Variants in AUH observed in about 807,000 individuals in gnomAD.
AUH encodes AU RNA binding methylglutaconyl-CoA hydratase.
Under a neutral mutation model 42.3 loss-of-function variants are expected in AUH, and 29 were observed. That is an observed-to-expected ratio of 0.69 (90% CI 0.51 to 0.93). The LOEUF (loss-of-function observed/expected upper bound fraction) is 0.93. AUH is among the 40% of genes least tolerant of loss of function. The probability of loss-of-function intolerance (pLI) is 0.00; values close to 1 mark genes in which losing one functional copy is unlikely to be tolerated. For synonymous variants in AUH, 174 were observed against 166.4 expected, an observed-to-expected ratio of 1.05 and a Z score of -0.35; for missense variants, 452 against 438.1, an observed-to-expected ratio of 1.03 and a Z score of -0.28.
At chr9:91,277,035 A>T (rs1564057452) in intron 6 of AUH, among the ~76,000 whole-genome samples, 2 of 152,144 alleles carry the variant, frequency 1.3e-5, no homozygotes, top group Admixed American at 6.6e-5. Context: ...AAATTTTTTT[A>T]AAAAACCAGC....
intron 6 of AUH, among the ~76,000 whole-genome samples, chr9:91,239,934 C>A (rs1320778443): frequency 6.6e-6 from 1 of 152,046 alleles, no homozygotes; most frequent in Admixed American, 6.5e-5. Flanking sequence ...AAACGTTTTT[C>A]CAGAGCAAAT....
chr9:91,335,048 T>C (rs1223499003), intron 3 of AUH, among the ~76,000 whole-genome samples: 1 of 152,218 alleles, frequency 6.6e-6, no homozygotes. Flanking sequence ...CCCGCTGCTC[T>C]TACGTGGTGG....
chr9:91,300,585 T>C (rs1370477164), intron 4 of AUH, among the ~76,000 whole-genome samples: 1 of 152,216 alleles, frequency 6.6e-6, no homozygotes, highest in Non-Finnish European at 1.5e-5. Flanking sequence ...TGTAGGGTAA[T>C]CTTTCTAAAA....
chr9:91,273,283 C>T (rs186603898), intron 6 of AUH, among the ~76,000 whole-genome samples: 1 of 152,312 alleles, frequency 6.6e-6, no homozygotes, highest in East Asian at 1.9e-4. Flanking sequence ...GTTAAAAACA[C>T]ACACATGCAC....
intron 6 of AUH, among the ~76,000 whole-genome samples, chr9:91,253,983 C>T (rs550369923): frequency 6.6e-6 from 1 of 151,940 alleles, no homozygotes; most frequent in Admixed American, 6.5e-5. Flanking sequence ...AAAATAATTA[C>T]ATTTCCAACT....
In AUH at chr9:91,252,888, T is replaced by G. The variant is rs533121866; in HGVS notation, c.656-31896A>C. The stretch of plus-strand genomic sequence containing the variant: ...TAATCACATATGATATAGCTGTATA[T>G]GTAATGAGAATACGCAAACTTTTTG... On this transcript the variant is annotated intron_variant, in intron 6 of 9. Coordinates refer to ENST00000375731, the MANE Select transcript of AUH (RefSeq NM_001698.3). Among the ~76,000 whole-genome samples the G allele has an allele frequency of 2.6e-5, 4 of 152,366 alleles. No homozygotes were observed. In the East Asian group the frequency reaches 7.7e-4, roughly 29 times the overall value.
chr9:91,236,430 G>A (rs1828185378), intron 6 of AUH, among the ~76,000 whole-genome samples: 1 of 152,192 alleles, frequency 6.6e-6, no homozygotes, highest in South Asian at 2.1e-4. Context: ...ATTCCCCTAT[G>A]AGGTTAGTGG....
intron 6 of AUH, among the ~76,000 whole-genome samples, chr9:91,275,666 A>G (rs928462194): frequency 6.6e-6 from 1 of 152,252 alleles, no homozygotes; most frequent in African/African-American, 2.4e-5. Context: ...CAAATCTCCA[A>G]GCCGAACAGA....
intron 6 of AUH, among the ~76,000 whole-genome samples, chr9:91,222,535 A>G (rs1827192555): frequency 6.6e-6 from 1 of 152,254 alleles, no homozygotes; most frequent in Non-Finnish European, 1.5e-5. Context: ...TCGATACGGC[A>G]GAAAATATGT....
intron 6 of AUH, among the ~76,000 whole-genome samples, chr9:91,242,450 TA>T (rs1414460062): frequency 1.1e-4 from 16 of 152,142 alleles, no homozygotes; most frequent in Non-Finnish European, 2.2e-4. Context: ...AAGGAGGAAG[TA>T]AAAAAGAATA....
At chr9:91,228,327 T>C in intron 6 of AUH, among the ~76,000 whole-genome samples, 1 of 152,150 alleles carries the variant, frequency 6.6e-6, no homozygotes, top group Non-Finnish European at 1.5e-5. Flanking sequence ...CTAGATTTTC[T>C]AGTTTATTTG....
intron 4 of AUH, among the ~76,000 whole-genome samples, chr9:91,303,772 T>A (rs1229926756): frequency 3.9e-5 from 6 of 152,226 alleles, no homozygotes; most frequent in African/African-American, 7.2e-5. Context: ...AGAAATAAAA[T>A]CTAAGTTAAC....
chr9:91,242,260 C>T (rs945821739), intron 6 of AUH, among the ~76,000 whole-genome samples: 1 of 152,186 alleles, frequency 6.6e-6, no homozygotes, highest in Admixed American at 6.5e-5. Flanking sequence ...GTGTGAACAC[C>T]AGGCAGTCAG....
intron 5 of AUH, among the ~76,000 whole-genome samples, chr9:91,296,330 A>G (rs1827328891): frequency 6.6e-6 from 1 of 152,186 alleles, no homozygotes; most frequent in Non-Finnish European, 1.5e-5. Context: ...TCACAAGACC[A>G]GGACTGTAAC....
Position 91,296,001 on chromosome 9 carries a change from T to C in AUH, c.655+20A>G, listed in dbSNP as rs750441181. On this transcript the variant is annotated intron_variant, in intron 6 of 9. Coordinates refer to ENST00000375731, the MANE Select transcript of AUH (RefSeq NM_001698.3). ...AGGACCAAATCAAGGATTTGAGGAA[T>C]GGGCGTGAACTACTCATACCTCCAC... The C allele has an allele frequency of 1.9e-6, 3 of 1,613,840 alleles. No homozygotes were observed. The highest frequency in any genetic ancestry group is 3.3e-5 in the Admixed American group (2 of 60,020).
chr9:91,231,202 A>C lies in AUH; in HGVS notation c.656-10210T>G, dbSNP rs556934416. Among the ~76,000 whole-genome samples the C allele has an allele frequency of 2.9e-3, 441 of 150,612 alleles. 1 individual carries two copies. Among genetic ancestry groups the C allele is most frequent in the Non-Finnish European group, 5.3e-3 (357 of 67,670 alleles). On this transcript the variant is annotated intron_variant, in intron 6 of 9. Coordinates refer to ENST00000375731, the MANE Select transcript of AUH (RefSeq NM_001698.3). ...GACTGCTGTGCTAGCAATCAGCGAG[A>C]CTCCATGGGGTAGGACCCTCCGAGC...
At chr9:91,257,306 G>A (rs1162219869) in intron 6 of AUH, among the ~76,000 whole-genome samples, 1 of 151,744 alleles carries the variant, frequency 6.6e-6, no homozygotes, top group Non-Finnish European at 1.5e-5. Flanking sequence ...GGCACTGCCA[G>A]AGACGAGTGG....
chr9:91,252,564 A>G (rs960318936), intron 6 of AUH, among the ~76,000 whole-genome samples: 4 of 152,146 alleles, frequency 2.6e-5, no homozygotes, highest in African/African-American at 4.8e-5. Flanking sequence ...ATGACAACAA[A>G]GACTGTGTGT....
At chr9:91,215,869 C>T (rs759349515) in intron 9 of AUH, among the ~76,000 whole-genome samples, 190 bp downstream of exon 9, 11 of 152,202 alleles carry the variant, frequency 7.2e-5, no homozygotes, top group Non-Finnish European at 1.3e-4. Flanking sequence ...AGACAAGAGG[C>T]ATTCCTGTGG....
Sources: gnomAD v4.1 joint callset for allele counts (sites outside exome capture counted in the v4.1 genomes callset) on GRCh38, gnomAD v4.1.1 for gene constraint, MANE v1.5 for transcripts, NCBI Gene and HGNC (gene_info 2026-07-23, HGNC 2026-07-21) for gene names.